MSRA: variants seen among roughly 807,000 people sequenced by gnomAD.
The protein encoded by MSRA is mitochondrial peptide methionine sulfoxide reductase.
A neutral mutation model predicts 31.3 loss-of-function variants in MSRA; 54 were observed. The observed-to-expected ratio is 1.73, with a 90% CI of 1.39 to 2.17. The LOEUF is 2.17. MSRA is among the 30% of genes most tolerant of loss of function. The pLI is 0.00. For missense variants in MSRA, 507 were observed against 300.9 expected (o/e 1.69, Z -5.07); for synonymous variants, 169 against 116.5 (o/e 1.45, Z -2.90).
intron 5 of MSRA, among the ~76,000 whole-genome samples, chr8:10,341,972 G>T (rs1425171903): frequency 6.6e-6 from 1 of 152,158 alleles, no homozygotes; most frequent in Non-Finnish European, 1.5e-5. Flanking sequence ...CCTCTTGTGT[G>T]CTAGGCTCCC....
chr8:10,425,734 G>A (rs1226781971), intron 5 of MSRA, among the ~76,000 whole-genome samples: 2 of 152,264 alleles, frequency 1.3e-5, no homozygotes, highest in African/African-American at 4.8e-5. Context: ...GGTCCTCTGA[G>A]GACGATCACA....
At chr8:10,100,853 C>G (rs1365740866) in intron 1 of MSRA, among the ~76,000 whole-genome samples, 4 of 152,160 alleles carry the variant, frequency 2.6e-5, no homozygotes, top group African/African-American at 9.7e-5. Flanking sequence ...CAGTCTTACA[C>G]AATTAGAATA....
chr8:10,402,540 A>G (rs779258148), intron 5 of MSRA, among the ~76,000 whole-genome samples: 3 of 152,332 alleles, frequency 2.0e-5, no homozygotes, highest in South Asian at 2.1e-4. Flanking sequence ...ATAGCCCAAG[A>G]TGCCCACTGG....
chr8:10,305,358 A>G (rs938559976), intron 4 of MSRA, among the ~76,000 whole-genome samples: 1 of 150,730 alleles, frequency 6.6e-6, no homozygotes, highest in Non-Finnish European at 1.5e-5. Context: ...AGCAGCTCTC[A>G]TAGTATCTGC....
At chr8:10,301,945 G>C (rs975683479) in intron 4 of MSRA, among the ~76,000 whole-genome samples, 1 of 152,156 alleles carries the variant, frequency 6.6e-6, no homozygotes, top group Non-Finnish European at 1.5e-5. Context: ...CCTTAATGCA[G>C]TCTTTTGTCT....
intron 1 of MSRA, among the ~76,000 whole-genome samples, chr8:10,113,731 G>A (rs1255872189): frequency 2.0e-5 from 3 of 151,702 alleles, no homozygotes; most frequent in African/African-American, 7.3e-5. Flanking sequence ...AGGAGATTGT[G>A]CATTGAAGCC....
In MSRA at chr8:10,136,170, A is replaced by C. The variant is rs964873765; in HGVS notation, c.143-71663A>C. Among the ~76,000 whole-genome samples the C allele has an allele frequency of 2.7e-4, 41 of 152,290 alleles. 1 individual carries two copies. Among genetic ancestry groups the C allele is most frequent in the African/African-American group, 7.9e-4 (33 of 41,534 alleles). On this transcript the variant is annotated intron_variant, in intron 1 of 5. Transcript: ENST00000317173. ...AACTAAGTGATAAGGGCTTGCAGTC[A>C]CGCTGGGCACAGGGACCCCGGGCAG...
chr8:10,076,514 C>T (rs1181291305), intron 1 of MSRA, among the ~76,000 whole-genome samples: 5 of 152,204 alleles, frequency 3.3e-5, no homozygotes, highest in Non-Finnish European at 7.3e-5. Flanking sequence ...AAGATTCTCT[C>T]AAAATGACTC....
At chr8:10,331,254 T>G (rs1802678823) in intron 5 of MSRA, among the ~76,000 whole-genome samples, 1 of 152,214 alleles carries the variant, frequency 6.6e-6, no homozygotes, top group Non-Finnish European at 1.5e-5. Flanking sequence ...CTGTTTTGTG[T>G]GCTGCACTCC....
intron 1 of MSRA, chr8:10,095,785 A>G (rs1799113073): frequency 2.5e-6 from 3 of 1,191,266 alleles, no homozygotes; most frequent in Non-Finnish European, 2.1e-6. Flanking sequence ...ACATACAATG[A>G]CGTTTAGTCA....
chr8:10,305,645 C>G (rs540911113), intron 4 of MSRA, among the ~76,000 whole-genome samples: 6 of 152,290 alleles, frequency 3.9e-5, no homozygotes, highest in South Asian at 4.1e-4. Flanking sequence ...AACTCCTGAC[C>G]TCATGATTCG....
At chr8:10,154,463 T>C (rs13257766) in intron 1 of MSRA, among the ~76,000 whole-genome samples, 34,451 of 151,822 alleles carry the variant, frequency 0.23, 4,544 homozygotes, top group East Asian at 0.49. Flanking sequence ...CTGCAAGCTC[T>C]GCCTTCCAGG....
At chr8:10,259,730 C>T (rs531532134) in intron 3 of MSRA, among the ~76,000 whole-genome samples, 16 of 152,176 alleles carry the variant, frequency 1.1e-4, no homozygotes, top group East Asian at 3.9e-4. Flanking sequence ...GCAGTCCAGG[C>T]GTGTGGGGGA....
chr8:10,250,492 C>G (rs1055370687), intron 3 of MSRA: 9 of 701,894 alleles, frequency 1.3e-5, no homozygotes, highest in African/African-American at 8.7e-5. Context: ...CCAAGTGGCA[C>G]TGAATCCAGA....
At chr8:10,097,046 T>C (rs1799204136) in intron 1 of MSRA, among the ~76,000 whole-genome samples, 2 of 152,222 alleles carry the variant, frequency 1.3e-5, no homozygotes, top group Admixed American at 1.3e-4. Context: ...TTCTTAATCC[T>C]TCGACAATAA....
At chr8:10,138,282 A>C (rs1020664739) in intron 1 of MSRA, among the ~76,000 whole-genome samples, 1 of 152,172 alleles carries the variant, frequency 6.6e-6, no homozygotes, top group African/African-American at 2.4e-5. Context: ...GTGCTATCTA[A>C]AGAAAAAGGT....
At chr8:10,207,989 C>T (rs1371116658) in intron 2 of MSRA, 88 bp downstream of exon 2, 1 of 999,498 alleles carries the variant, frequency 1.0e-6, no homozygotes, top group African/African-American at 1.6e-5. Flanking sequence ...CTCAGGGCTT[C>T]AAAATCTGGG....
chr8:10,337,771 C>G (rs1486489648), intron 5 of MSRA: 1 of 702,632 alleles, frequency 1.4e-6, no homozygotes, highest in East Asian at 2.7e-5. Context: ...CTGCTCAACT[C>G]GCCTGGGTGC....
chr8:10,310,261 A>G (rs1801363458), intron 4 of MSRA, among the ~76,000 whole-genome samples: 1 of 152,254 alleles, frequency 6.6e-6, no homozygotes, highest in Non-Finnish European at 1.5e-5. Flanking sequence ...TGCAAAAGCT[A>G]CCCAAACCCA....
Sources: allele counts gnomAD v4.1 joint callset (sites outside exome capture counted in the v4.1 genomes callset), GRCh38; gene constraint gnomAD v4.1.1; transcripts MANE v1.5; gene names NCBI Gene and HGNC (gene_info 2026-07-23, HGNC 2026-07-21).